The following SDK2 variants were observed in gnomAD, a reference collection of about 807,000 sequenced individuals.
SDK2 encodes protein sidekick-2.
Under a neutral mutation model 253.9 loss-of-function variants are expected in SDK2, and 105 were observed. The ratio of observed to expected loss-of-function variants is 0.41; its 90% CI spans 0.35 to 0.49. The LOEUF (loss-of-function observed/expected upper bound fraction) is 0.49, where lower values mean the gene tolerates loss of function less well. Ranked by LOEUF, SDK2 falls within the 20% of genes least tolerant of loss-of-function variation. SDK2 has a pLI of 0.06. For missense variants in SDK2, 2,608 were observed against 3,003.0 expected (o/e 0.87, Z 3.07); for synonymous variants, 1,249 against 1,234.9 (o/e 1.01, Z -0.24).
intron 1 of SDK2, among the ~76,000 whole-genome samples, chr17:73,589,560 C>G (rs1668711525): frequency 6.6e-6 from 1 of 152,238 alleles, no homozygotes; most frequent in African/African-American, 2.4e-5. Flanking sequence ...TCCCAATCTG[C>G]AAAATGGGGA....
intron 1 of SDK2, among the ~76,000 whole-genome samples, chr17:73,627,648 C>T (rs1320248297): frequency 6.6e-6 from 1 of 152,230 alleles, no homozygotes; most frequent in East Asian, 1.9e-4. Flanking sequence ...TAACAGAGCC[C>T]CTCGGGCTCA....
intron 1 of SDK2, among the ~76,000 whole-genome samples, chr17:73,552,523 C>T (rs1221904811): frequency 1.3e-5 from 2 of 152,132 alleles, no homozygotes; most frequent in African/African-American, 2.4e-5. Context: ...GGTCAGTGGT[C>T]GAGGCGCAGG....
Position 73,422,438 on chromosome 17 carries a change from C to T in SDK2, c.1898-4G>A. The stretch of plus-strand genomic sequence containing the variant: ...AGGAGTACAGTCCAGGGGGCATCTG[C>T]AGGGACAGTGAGTGGGGCAGAAGTG... On this transcript the variant is annotated splice_region_variant and splice_polypyrimidine_tract_variant and intron_variant, in intron 14 of 44. Coordinates refer to ENST00000392650, the MANE Select transcript of SDK2 (RefSeq NM_001144952.2). 1 of 1,613,616 alleles carries T rather than the reference C, an allele frequency of 6.2e-7. No homozygotes were observed. Among genetic ancestry groups the T allele is most frequent in the Non-Finnish European group, 8.5e-7 (1 of 1,179,640 alleles).
In SDK2 at chr17:73,599,558, TA is replaced by T. The variant is rs200316893; in HGVS notation, c.64+44466del. On this transcript the variant is annotated intron_variant, in intron 1 of 44. Transcript: ENST00000392650. ...AAAAAAAAAAATTAAATTAAATAAATAAAAATAAAGGGGAGAGGGAAAAGAG... is the reference window on the plus strand; with the variant it reads ...AAAAAAAAAAATTAAATTAAATAAATAAAATAAAGGGGAGAGGGAAAAGAG... Among the ~76,000 whole-genome samples the T allele has an allele frequency of 7.6e-3, 1,019 of 134,022 alleles. 6 individuals carry two copies. The highest frequency in any genetic ancestry group is 0.027 in the African/African-American group (946 of 35,698). The allele number at this position is 134,022 out of a possible 152,430, so 87.9% of individuals were successfully genotyped here. A position where few individuals can be genotyped will look rare whatever the true frequency, so the allele number is the denominator to read the frequency against.
At chr17:73,446,910 C>T in intron 5 of SDK2, among the ~76,000 whole-genome samples, 1 of 152,064 alleles carries the variant, frequency 6.6e-6, no homozygotes, top group Non-Finnish European at 1.5e-5. Flanking sequence ...GAGAACCAGG[C>T]CAGAAAGAAC....
At chr17:73,377,875 G>T (rs1041347436) in intron 36 of SDK2, among the ~76,000 whole-genome samples, 6 of 152,130 alleles carry the variant, frequency 3.9e-5, no homozygotes, top group African/African-American at 1.2e-4. Flanking sequence ...GCCTCCCAAA[G>T]TGTTGGGATT....
At chr17:73,422,077 C>T (rs559337464) in intron 15 of SDK2, among the ~76,000 whole-genome samples, 17 of 152,260 alleles carry the variant, frequency 1.1e-4, no homozygotes, top group East Asian at 9.7e-4. Flanking sequence ...TGGTGCTCAC[C>T]GCGTTCCCCA....
intron 1 of SDK2, among the ~76,000 whole-genome samples, chr17:73,540,148 C>T (rs936588914): frequency 3.3e-5 from 5 of 152,030 alleles, no homozygotes; most frequent in East Asian, 1.9e-4. Flanking sequence ...CTGTGAACCA[C>T]GGTACCCAGG....
At chr17:73,420,367 T>C (rs1055561762) in intron 15 of SDK2, among the ~76,000 whole-genome samples, 6 of 152,256 alleles carry the variant, frequency 3.9e-5, no homozygotes, top group African/African-American at 1.4e-4. Flanking sequence ...AGTTTTGCTC[T>C]TTCGCCCAGG....
At position 73,391,520 on chromosome 17, in the gene SDK2, C is replaced by T. The variant is rs777581995; in HGVS notation, c.3917G>A (p.Gly1306Asp). The T allele has an allele frequency of 2.3e-6, 3 of 1,302,154 alleles. No individual in the cohort carries two copies. The highest frequency in any genetic ancestry group is 3.0e-5 in the African/African-American group (2 of 66,262). 80.7% of individuals were successfully genotyped at this position (1,302,154 alleles called of 1,614,324 possible). The change falls in exon 28 of 45, where the codon GGC becomes GAC. Residue 1306 changes from glycine (G) to aspartate (D), a missense_variant. Coordinates refer to ENST00000392650, the MANE Select transcript of SDK2 (RefSeq NM_001144952.2). ...GGTCCGCACCTCTGGGAACAGGATG[C>T]CCATGGGTGGTCCTGGGACTGGAGG... ...TLDDVPGPPM[G>D]ILFPEVRTTS... is the part of the protein sequence containing the mutation.
At chr17:73,502,056 G>T (rs116562560) in intron 2 of SDK2, among the ~76,000 whole-genome samples, 6,705 of 151,100 alleles carry the variant, frequency 0.044, 469 homozygotes, top group African/African-American at 0.15. Context: ...TCAGAAGGGT[G>T]CACAGGCTTG....
At chr17:73,342,089 A>C (rs776230386) in intron 44 of SDK2, among the ~76,000 whole-genome samples, 2 of 148,982 alleles carry the variant, frequency 1.3e-5, no homozygotes, top group African/African-American at 5.0e-5. Context: ...CTCCCCCCAA[A>C]CCCCCCACCC....
chr17:73,423,788 G>T, intron 13 of SDK2, 128 bp downstream of exon 13: 2 of 860,976 alleles, frequency 2.3e-6, no homozygotes, highest in South Asian at 1.8e-5. Context: ...GGTATGTCCT[G>T]AGCAAAGCTG....
chr17:73,380,447 C>T (rs1380658159), intron 34 of SDK2, among the ~76,000 whole-genome samples: 3 of 152,106 alleles, frequency 2.0e-5, no homozygotes, highest in African/African-American at 4.8e-5. Context: ...CACGGGAGGA[C>T]GACGGACGCA....
chr17:73,563,121 A>G (rs1206212786), intron 1 of SDK2, among the ~76,000 whole-genome samples: 1 of 152,250 alleles, frequency 6.6e-6, no homozygotes. Flanking sequence ...GGCACGCACC[A>G]TGGAGGAGAC....
At chr17:73,509,220 C>T (rs530935261) in intron 1 of SDK2, among the ~76,000 whole-genome samples, 4 of 152,204 alleles carry the variant, frequency 2.6e-5, no homozygotes, top group Non-Finnish European at 5.9e-5. Context: ...ATTTCTCTAT[C>T]AGTGGACACA....
chr17:73,413,277 G>T (rs966398811), intron 18 of SDK2, among the ~76,000 whole-genome samples: 2 of 151,752 alleles, frequency 1.3e-5, no homozygotes, highest in Non-Finnish European at 2.9e-5. Flanking sequence ...AATGCCTGAT[G>T]ATCTGTCACT....
chr17:73,468,810 C>A (rs1214928953), intron 3 of SDK2, among the ~76,000 whole-genome samples: 1 of 151,112 alleles, frequency 6.6e-6, no homozygotes, highest in Non-Finnish European at 1.5e-5. Context: ...CAGGCTTGAG[C>A]CACCGCACCC....
At chr17:73,492,439 G>A (rs1483389501) in intron 2 of SDK2, among the ~76,000 whole-genome samples, 7 of 152,114 alleles carry the variant, frequency 4.6e-5, no homozygotes, top group Admixed American at 4.6e-4. Flanking sequence ...ATCTCCCCTG[G>A]AGAGACTGTC....
Sources: gnomAD v4.1 joint callset for allele counts (sites outside exome capture counted in the v4.1 genomes callset) on GRCh38, gnomAD v4.1.1 for gene constraint, MANE v1.5 for transcripts, NCBI Gene and HGNC (gene_info 2026-07-23, HGNC 2026-07-21) for gene names.